SNTG1: variants seen among roughly 807,000 people sequenced by gnomAD.
SNTG1 encodes syntrophin gamma 1.
A neutral mutation model predicts 74.7 loss-of-function variants in SNTG1; 39 were observed. The observed-to-expected ratio is 0.52, with a 90% CI of 0.40 to 0.68. The LOEUF (loss-of-function observed/expected upper bound fraction) is 0.68. SNTG1 is among the 30% of genes least tolerant of loss of function. The pLI is 0.00. For synonymous variants in SNTG1, 254 were observed against 217.1 expected (o/e 1.17, Z -1.49); for missense variants, 685 against 609.5 (o/e 1.12, Z -1.30).
chr8:50,205,547 C>A (rs565290460), intron 2 of SNTG1, among the ~76,000 whole-genome samples: 2 of 152,256 alleles, frequency 1.3e-5, no homozygotes, highest in Middle Eastern at 3.4e-3. Context: ...ATGGTAGTTT[C>A]TTTTGCTGTG....
At chr8:50,583,694 G>A (rs1057453010) in intron 12 of SNTG1, among the ~76,000 whole-genome samples, 4 of 150,664 alleles carry the variant, frequency 2.7e-5, no homozygotes, top group Non-Finnish European at 5.9e-5. Context: ...GGAACTGTAA[G>A]TAAATAGCAA....
At chr8:50,339,848 G>T (rs1193078021) in intron 2 of SNTG1, among the ~76,000 whole-genome samples, 1 of 151,894 alleles carries the variant, frequency 6.6e-6, no homozygotes, top group Admixed American at 6.6e-5. Flanking sequence ...TCATTAAAAT[G>T]CTCTAAATAT....
intron 1 of SNTG1, among the ~76,000 whole-genome samples, chr8:50,081,072 AG>A (rs1239813012): frequency 6.7e-6 from 1 of 150,368 alleles, no homozygotes; most frequent in East Asian, 2.0e-4. Context: ...AATAAAAGAT[AG>A]AGAAAACATT....
At chr8:49,944,742 T>G (rs1247278797) in intron 1 of SNTG1, among the ~76,000 whole-genome samples, 1 of 150,254 alleles carries the variant, frequency 6.7e-6, no homozygotes, top group Admixed American at 6.7e-5. Context: ...AAAAAATCCA[T>G]GTAACGTCTA....
At chr8:50,045,221 T>C (rs532365966) in intron 1 of SNTG1, among the ~76,000 whole-genome samples, 4 of 152,240 alleles carry the variant, frequency 2.6e-5, no homozygotes, top group Non-Finnish European at 4.4e-5. Flanking sequence ...GGCTGGGTAA[T>C]ATATATAAAG....
intron 1 of SNTG1, among the ~76,000 whole-genome samples, chr8:50,017,252 AT>A (rs1333902690): frequency 1.3e-5 from 2 of 152,078 alleles, no homozygotes; most frequent in Non-Finnish European, 2.9e-5. Flanking sequence ...TTATAAAATT[AT>A]TTGATAGCTT....
At chr8:50,515,870 G>A (rs1003296893) in intron 9 of SNTG1, among the ~76,000 whole-genome samples, 1 of 152,010 alleles carries the variant, frequency 6.6e-6, no homozygotes, top group African/African-American at 2.4e-5. Flanking sequence ...GCGGCTGTGG[G>A]CACGGCTTCA....
chr8:50,297,828 G>A (rs1430920693), intron 2 of SNTG1, among the ~76,000 whole-genome samples: 1 of 151,412 alleles, frequency 6.6e-6, no homozygotes, highest in Non-Finnish European at 1.5e-5. Context: ...TTATTGTGGT[G>A]TGGTAGCAAG....
chr8:50,475,979 T>A (rs1018249091), intron 8 of SNTG1, among the ~76,000 whole-genome samples: 2 of 152,186 alleles, frequency 1.3e-5, no homozygotes, highest in African/African-American at 4.8e-5. Context: ...TGCACTGCTC[T>A]GAGTAGCATG....
chr8:50,394,406 G>C, intron 3 of SNTG1, 141 bp downstream of exon 3: 2 of 747,866 alleles, frequency 2.7e-6, no homozygotes, highest in South Asian at 2.0e-5. Context: ...TCCAGATTAC[G>C]TTCTCCTTCT....
intron 12 of SNTG1, among the ~76,000 whole-genome samples, chr8:50,577,313 G>A (rs2094582271): frequency 6.6e-6 from 1 of 152,048 alleles, no homozygotes; most frequent in Non-Finnish European, 1.5e-5. Flanking sequence ...TTCCATTCCA[G>A]GAATAAAACC....
At chr8:50,173,999 C>A (rs1037773996) in intron 2 of SNTG1, among the ~76,000 whole-genome samples, 86 of 152,212 alleles carry the variant, frequency 5.7e-4, no homozygotes, top group Middle Eastern at 6.8e-3. Context: ...GGCCCCAACT[C>A]CCAAAAGGCC....
At chr8:50,658,003 A>G (rs997641525) in intron 14 of SNTG1, among the ~76,000 whole-genome samples, 12 of 152,146 alleles carry the variant, frequency 7.9e-5, no homozygotes, top group African/African-American at 2.2e-4. Flanking sequence ...GTCTGTCTCT[A>G]CACAAAGTTT....
intron 2 of SNTG1, among the ~76,000 whole-genome samples, chr8:50,174,879 A>C (rs2082939782): frequency 9.2e-6 from 1 of 108,522 alleles, no homozygotes; most frequent in Admixed American, 1.2e-4. Context: ...ACCCCACAAC[A>C]GTCCCCGGTG....
At chr8:50,259,316 T>A (rs528850078) in intron 2 of SNTG1, among the ~76,000 whole-genome samples, 1 of 151,980 alleles carries the variant, frequency 6.6e-6, no homozygotes, top group South Asian at 2.1e-4. Context: ...CCGGCCAACA[T>A]GGCAAAATTC....
intron 4 of SNTG1, among the ~76,000 whole-genome samples, chr8:50,426,578 T>C (rs913645939): frequency 4.6e-5 from 7 of 151,916 alleles, no homozygotes; most frequent in Admixed American, 1.3e-4. Flanking sequence ...AAATAAAAAG[T>C]TTTATAAACT....
chr8:49,919,038 G>C (rs182805491), intron 1 of SNTG1, among the ~76,000 whole-genome samples: 1 of 152,172 alleles, frequency 6.6e-6, no homozygotes, highest in South Asian at 2.1e-4. Context: ...GTTTGCCTAC[G>C]TGATAACATT....
chr8:50,374,206 G>A (rs1254142983), intron 2 of SNTG1, among the ~76,000 whole-genome samples: 1 of 152,110 alleles, frequency 6.6e-6, no homozygotes, highest in Non-Finnish European at 1.5e-5. Flanking sequence ...ATTCCCTTTA[G>A]GCAAATCTTC....
chr8:50,239,218 AGC>A (rs2086057678), intron 2 of SNTG1, among the ~76,000 whole-genome samples: 1 of 152,236 alleles, frequency 6.6e-6, no homozygotes, highest in Non-Finnish European at 1.5e-5. Flanking sequence ...TATTCAGAAT[AGC>A]AAAGACAGGG....
Sources: allele counts gnomAD v4.1 joint callset (sites outside exome capture counted in the v4.1 genomes callset), GRCh38; gene constraint gnomAD v4.1.1; transcripts MANE v1.5; gene names NCBI Gene and HGNC (gene_info 2026-07-23, HGNC 2026-07-21).